CCAR1: variants seen among roughly 807,000 people sequenced by gnomAD.
CCAR1 encodes cell division cycle and apoptosis regulator protein 1.
In CCAR1, 78 loss-of-function variants were observed where a neutral mutation model predicts 163.8. That is an observed-to-expected ratio of 0.48 (90% CI 0.40 to 0.57). CCAR1 has a LOEUF of 0.57. Ranked by LOEUF, CCAR1 falls within the 20% of genes least tolerant of loss-of-function variation. The pLI is 0.00. For missense variants in CCAR1, 1,019 were observed against 1,365.2 expected, an observed-to-expected ratio of 0.75 and a Z score of 4.00; for synonymous variants, 443 against 460.7, an observed-to-expected ratio of 0.96 and a Z score of 0.49.
intron 17 of CCAR1, among the ~76,000 whole-genome samples, chr10:68,767,950 TATTA>T (rs1175097805): frequency 2.0e-5 from 3 of 152,244 alleles, no homozygotes; most frequent in Non-Finnish European, 4.4e-5. Flanking sequence ...ATTTCCAACA[TATTA>T]ATTTTGTAGT....
chr10:68,743,732 G>GTTTA (rs1266621611), intron 6 of CCAR1, among the ~76,000 whole-genome samples: 14 of 9,792 alleles, frequency 1.4e-3, no homozygotes, highest in South Asian at 0.016. Flanking sequence ...TTATTTGTTT[G>GTTTA]TTTATTTATT....
chr10:68,753,601 G>A (rs2056363107), intron 10 of CCAR1, among the ~76,000 whole-genome samples: 1 of 152,078 alleles, frequency 6.6e-6, no homozygotes, highest in Non-Finnish European at 1.5e-5. Context: ...TTATTTCAAA[G>A]CGTCTTCTGT....
chr10:68,787,249 G>A (rs976472575), intron 21 of CCAR1, among the ~76,000 whole-genome samples: 4 of 149,662 alleles, frequency 2.7e-5, no homozygotes, highest in African/African-American at 4.9e-5. Flanking sequence ...TATTCTGTAC[G>A]TTTTGACTGG....
rs571711033 is a variant in CCAR1, at chr10:68,778,215, CAAAAG to C, written c.2650+5131_2650+5135del. Among the ~76,000 whole-genome samples, 46 of 152,158 alleles carry C rather than the reference CAAAAG, an allele frequency of 3.0e-4. 1 individual carries two copies. In the South Asian group the frequency reaches 9.1e-3, roughly 30 times the overall value. The stretch of plus-strand genomic sequence containing the variant: ...TGGGTGACAAAGCAAGACTCCATCT[CAAAAG>C]AAAAGAAAAGAAAAAGCTAGTGCTC... On this transcript the variant is annotated intron_variant, in intron 19 of 24. Coordinates refer to ENST00000265872, the MANE Select transcript of CCAR1 (RefSeq NM_018237.4).
intron 11 of CCAR1, among the ~76,000 whole-genome samples, chr10:68,754,345 G>T (rs1390221166): frequency 6.6e-6 from 1 of 152,182 alleles, no homozygotes; most frequent in Non-Finnish European, 1.5e-5. Context: ...TTGGAATGTT[G>T]TATGACTTCT....
At chr10:68,772,913 C>A in intron 18 of CCAR1, 75 bp from the exon 19 acceptor site, 2 of 705,124 alleles carry the variant, frequency 2.8e-6, no homozygotes, top group Non-Finnish European at 4.5e-6. Flanking sequence ...GGGTTGGAGA[C>A]CAGCGTGGGC....
At chr10:68,757,599 A>G (rs1318539339) in intron 15 of CCAR1, among the ~76,000 whole-genome samples, 1 of 151,296 alleles carries the variant, frequency 6.6e-6, no homozygotes, top group Non-Finnish European at 1.5e-5. Flanking sequence ...TAGTTTTAGT[A>G]GAGACAAGGT....
chr10:68,763,605 GC>G (rs1223937042), intron 16 of CCAR1, among the ~76,000 whole-genome samples: 2 of 152,058 alleles, frequency 1.3e-5, no homozygotes, highest in Non-Finnish European at 2.9e-5. Flanking sequence ...CTGCCACCAT[GC>G]CTGGCTAATT....
Position 68,740,884 on chromosome 10 carries a change from TTTATTTATTTATTTA to T in CCAR1, c.324+226_324+240del, listed in dbSNP as rs559774057. ...AGTTTGAATAAATATGAGGTTTTAT[TTTATTTATTTATTTA>T]TTTATTTATTTATTTATTTATTTAT... On this transcript the variant is annotated intron_variant, in intron 5 of 24. Transcript: ENST00000265872. Among the ~76,000 whole-genome samples, 412 of 103,174 alleles carry T rather than the reference TTTATTTATTTATTTA, an allele frequency of 4.0e-3. 3 individuals are homozygous for T. Among genetic ancestry groups the T allele is most frequent in the African/African-American group, 0.015 (387 of 25,380 alleles). 67.7% of individuals were successfully genotyped at this position (103,174 alleles called of 152,430 possible).
chr10:68,788,391 T>C, intron 23 of CCAR1, 63 bp downstream of exon 23: 1 of 1,178,108 alleles, frequency 8.5e-7, no homozygotes, highest in East Asian at 2.5e-5. Context: ...TATATGTTTA[T>C]GTGTGTACAT....
intron 15 of CCAR1, among the ~76,000 whole-genome samples, chr10:68,757,691 C>T (rs2056412888): frequency 1.3e-5 from 2 of 152,198 alleles, no homozygotes; most frequent in South Asian, 4.1e-4. Context: ...GCTGGGATTA[C>T]AGGCATGAGC....
intron 16 of CCAR1, among the ~76,000 whole-genome samples, chr10:68,764,403 C>T (rs915407379): frequency 3.3e-5 from 5 of 151,840 alleles, no homozygotes; most frequent in South Asian, 2.1e-4. Context: ...AAAATTTAGC[C>T]GAGCATGGTC....
chr10:68,777,683 C>CA (rs34289016), intron 19 of CCAR1, among the ~76,000 whole-genome samples: 17,325 of 115,340 alleles, frequency 0.15, 1,039 homozygotes, highest in South Asian at 0.22. Flanking sequence ...GACTCCGTCT[C>CA]AAAAAAAAAA....
chr10:68,728,767 TA>T (rs2055986984), intron 2 of CCAR1, among the ~76,000 whole-genome samples: 1 of 152,108 alleles, frequency 6.6e-6, no homozygotes, highest in African/African-American at 2.4e-5. Context: ...CCCACCCACC[TA>T]ACCTGGTGAA....
At chr10:68,772,637 A>G (rs546889985) in intron 18 of CCAR1, among the ~76,000 whole-genome samples, 1 of 152,120 alleles carries the variant, frequency 6.6e-6, no homozygotes, top group Non-Finnish European at 1.5e-5. Context: ...TCACACCTGT[A>G]ATCCCAGCAC....
rs1463407996 is a variant in CCAR1 at position 68,736,889 on chromosome 10, T to A, written c.87T>A (p.Val29=). Reference sequence around the variant, plus strand: ...ATTTCATTTTAGCTGCACTGGGTGTTCAACAGCCATCACTCCTTGGAGCAT... The same window carrying A: ...ATTTCATTTTAGCTGCACTGGGTGTACAACAGCCATCACTCCTTGGAGCAT... The part of the protein sequence containing the change: ...TAVSQPAALG[V]QQPSLLGASP... Residue 29 remains valine (V), a synonymous_variant, in exon 3 of 25, where the codon GTT becomes GTA. Transcript: ENST00000265872. The A allele has an allele frequency of 1.2e-6, 2 of 1,609,670 alleles. No individual in the cohort carries two copies. The highest frequency in any genetic ancestry group is 1.7e-6 in the Non-Finnish European group (2 of 1,178,304).
chr10:68,778,507 A>T (rs1026409028), intron 19 of CCAR1, among the ~76,000 whole-genome samples: 4 of 144,408 alleles, frequency 2.8e-5, no homozygotes, highest in Non-Finnish European at 3.0e-5. Context: ...CCCTTACTGC[A>T]CATTTCTGGT....
chr10:68,755,751 T>C (rs2056391049), intron 13 of CCAR1, among the ~76,000 whole-genome samples: 1 of 152,224 alleles, frequency 6.6e-6, no homozygotes, highest in Non-Finnish European at 1.5e-5. Context: ...ACTGAAAATT[T>C]AAATGTTTTG....
Position 68,786,228 on chromosome 10 carries a change from G to T in CCAR1, c.2733+10G>T, listed in dbSNP as rs1303387941. 6.5e-7 allele frequency: 1 copy of T among 1,536,254 alleles called. No individual in the cohort carries two copies. Among genetic ancestry groups the T allele is most frequent in the South Asian group, 1.1e-5 (1 of 88,046 alleles). On this transcript the variant is annotated intron_variant, in intron 20 of 24. Coordinates refer to ENST00000265872, the MANE Select transcript of CCAR1 (RefSeq NM_018237.4). ...GCCCTCTAAAGATAAGGTGTTTATTGAATACTGTATTCTTTATAATATGGT... is the reference window on the plus strand; with the variant it reads ...GCCCTCTAAAGATAAGGTGTTTATTTAATACTGTATTCTTTATAATATGGT...
Sources: gnomAD v4.1 joint callset for allele counts (sites outside exome capture counted in the v4.1 genomes callset) on GRCh38, gnomAD v4.1.1 for gene constraint, MANE v1.5 for transcripts, NCBI Gene and HGNC (gene_info 2026-07-23, HGNC 2026-07-21) for gene names.